TMC2: variants seen among roughly 807,000 people sequenced by gnomAD.
The protein encoded by TMC2 is transmembrane channel like 2.
In TMC2, 102 loss-of-function variants were observed where a neutral mutation model predicts 105.9. The observed-to-expected ratio is 0.96, with a 90% CI of 0.82 to 1.14. TMC2 has a LOEUF of 1.14. Ranked by LOEUF, TMC2 falls within the 50% of genes most tolerant of loss-of-function variation. The pLI is 0.00. For synonymous variants in TMC2, 402 were observed against 422.8 expected, an observed-to-expected ratio of 0.95 and a Z score of 0.60; for missense variants, 1,093 against 1,134.3, an observed-to-expected ratio of 0.96 and a Z score of 0.52.
chr20:2,636,721 T>C (rs2086648774), intron 18 of TMC2, among the ~76,000 whole-genome samples: 2 of 152,164 alleles, frequency 1.3e-5, no homozygotes, highest in Admixed American at 1.3e-4. Context: ...CCTCCCAGGT[T>C]CAAGTGATTC....
rs1005274027 is a variant in TMC2, at chr20:2,558,551, G to C, written c.178G>C (p.Ala60Pro). 1.3e-6 allele frequency: 2 copies of C among 1,552,816 alleles called. No homozygotes were observed. Among genetic ancestry groups the C allele is most frequent in the Non-Finnish European group, 1.7e-6 (2 of 1,147,968 alleles). ...AGCTCAGCGAAGCCAGAAGGAGCGC[G>C]CCGGGGGCAGCCCAAGCCCGGGGTC... ...RGAQRSQKER[A>P]GGSPSPGSPR... Residue 60 changes from alanine (A) to proline (P), a missense_variant, in exon 3 of 20, where the codon GCC becomes CCC. Transcript: ENST00000358864. This position sits in a 1 kb window ranked among gnomAD's most constrained non-coding sequence, Gnocchi z 4.6.
intron 2 of TMC2, among the ~76,000 whole-genome samples, chr20:2,553,781 G>A (rs1354003318): frequency 1.3e-5 from 2 of 152,174 alleles, no homozygotes; most frequent in Non-Finnish European, 2.9e-5. Context: ...TTCGCTTTGT[G>A]TGAGTTTTGG....
intron 11 of TMC2, among the ~76,000 whole-genome samples, chr20:2,608,080 C>T (rs1001954949): frequency 1.0e-4 from 15 of 149,738 alleles, no homozygotes; most frequent in African/African-American, 2.9e-4. Context: ...GCCAAGACTG[C>T]GCCATTGCAC....
chr20:2,573,371 TATAG>T (rs2086116715), intron 5 of TMC2, among the ~76,000 whole-genome samples: 1 of 152,058 alleles, frequency 6.6e-6, no homozygotes, highest in Admixed American at 6.5e-5. Flanking sequence ...ATTTTCTCCC[TATAG>T]ATCTTTTCCA....
At chr20:2,541,458 T>G (rs1280162792) in intron 2 of TMC2, among the ~76,000 whole-genome samples, 2 of 151,988 alleles carry the variant, frequency 1.3e-5, no homozygotes, top group Non-Finnish European at 2.9e-5. Context: ...CTGGCCAACA[T>G]GGCAAAACCC....
At position 2,592,272 on chromosome 20, in the gene TMC2, C is replaced by T. The variant is rs548042845; in HGVS notation, c.835-38C>T. On this transcript the variant is annotated intron_variant, in intron 7 of 19. Coordinates refer to ENST00000358864, the MANE Select transcript of TMC2 (RefSeq NM_080751.3). This position sits in a 1 kb window ranked among gnomAD's most constrained non-coding sequence, Gnocchi z 4.9. ...TGAATGTCTCTGTGTGTTTGTATTT[C>T]CTCCACTCATACTTGTGTCATTGTG... 189 of 1,357,476 alleles carry T rather than the reference C, an allele frequency of 1.4e-4. No individual in the cohort carries two copies. Among genetic ancestry groups the T allele is most frequent in the Admixed American group, 1.3e-3 (77 of 59,114 alleles). The allele number at this position is 1,357,476 out of a possible 1,614,324, so 84.1% of individuals were successfully genotyped here. A position where few individuals can be genotyped will look rare whatever the true frequency, so the allele number is the denominator to read the frequency against.
At chr20:2,560,108 G>A (rs2086014997) in intron 3 of TMC2, among the ~76,000 whole-genome samples, 2 of 152,070 alleles carry the variant, frequency 1.3e-5, no homozygotes, top group African/African-American at 2.4e-5. Context: ...GGGCCATCAG[G>A]GTTCCTCCAT....
chr20:2,619,651 A>G (rs1192638120), intron 16 of TMC2, among the ~76,000 whole-genome samples: 4 of 152,198 alleles, frequency 2.6e-5, no homozygotes, highest in African/African-American at 9.6e-5. Flanking sequence ...AACAGTGTTC[A>G]CACAGAAGGA....
intron 5 of TMC2, among the ~76,000 whole-genome samples, chr20:2,577,798 G>T (rs2086157796): frequency 6.6e-6 from 1 of 152,006 alleles, no homozygotes. Context: ...AGGAGGCTGA[G>T]GCAGGAAGAT....
chr20:2,591,433 G>A (rs776733874), intron 7 of TMC2, among the ~76,000 whole-genome samples: 7 of 152,130 alleles, frequency 4.6e-5, no homozygotes, highest in African/African-American at 9.7e-5. Flanking sequence ...GGCTGGGCAC[G>A]GTGGCTCATG....
intron 11 of TMC2, 73 bp downstream of exon 11, chr20:2,602,374 T>G: frequency 8.6e-7 from 1 of 1,164,498 alleles, no homozygotes; most frequent in African/African-American, 1.6e-5. Context: ...TGCCATTCAT[T>G]TCATTTATCG....
chr20:2,616,148 T>C lies in TMC2; in HGVS notation c.1884T>C (p.Ala628=), dbSNP rs2086479582. 1 of 1,612,570 alleles carries C rather than the reference T, an allele frequency of 6.2e-7. No individual in the cohort carries two copies. The change falls in exon 15 of 20, where the codon GCT becomes GCC. Residue 628 remains alanine (A), a synonymous_variant. Transcript: ENST00000358864. This position sits in a 1 kb window ranked among gnomAD's most constrained non-coding sequence, Gnocchi z 4.8. The part of the protein sequence containing the change: ...WDLEAGFPSY[A]EFDISGNVLG... ...CCCTCCCTCTCTAGCCTTCATATGC[T>C]GAGTTTGATATTAGTGGAAATGTGC... is the stretch of plus-strand genomic sequence containing the variant.
At chr20:2,619,459 A>G (rs142120397) in intron 16 of TMC2, among the ~76,000 whole-genome samples, 1 of 152,314 alleles carries the variant, frequency 6.6e-6, no homozygotes, top group Non-Finnish European at 1.5e-5. Context: ...ACTCAGGGTT[A>G]GTTAGAAGTT....
chr20:2,572,179 G>A lies in TMC2; in HGVS notation c.555G>A (p.Arg185=). Residue 185 remains arginine (R), a splice_region_variant and synonymous_variant, in exon 5 of 20, where the codon AGG becomes AGA. Transcript: ENST00000358864. ...TGCTTTTTTTTTTTTTTCTAAGCAG[G>A]GAGGCCCAGGAATTTGTGGAGAAGT... ...WPMAKKLTEL[R]EAQEFVEKYE... is the part of the protein sequence containing the mutation. 14 of 1,610,172 alleles carry A rather than the reference G, an allele frequency of 8.7e-6. No individual in the cohort carries two copies. The highest frequency in any genetic ancestry group is 1.1e-5 in the Non-Finnish European group (13 of 1,178,106).
chr20:2,609,849 T>C lies in TMC2; in HGVS notation c.1414-570T>C, dbSNP rs1010102836. 1.8e-4 allele frequency among the ~76,000 whole-genome samples: 27 copies of C among 152,152 alleles called. 1 individual carries two copies. Among genetic ancestry groups the C allele is most frequent in the Admixed American group, 1.3e-3 (20 of 15,288 alleles). ...CCACTGGGTGAGCAGTTGTTTTTTG[T>C]TTGTTTTTGTTTTTTTGAGATGGAG... is the stretch of plus-strand genomic sequence containing the variant. On this transcript the variant is annotated intron_variant, in intron 11 of 19. Coordinates refer to ENST00000358864, the MANE Select transcript of TMC2 (RefSeq NM_080751.3).
chr20:2,616,254 A>T lies in TMC2; in HGVS notation c.1940+50A>T, dbSNP rs771965868. The T allele has an allele frequency of 1.3e-6, 2 of 1,513,974 alleles. No individual in the cohort carries two copies. Among genetic ancestry groups the T allele is most frequent in the South Asian group, 2.2e-5 (2 of 89,008 alleles). 93.8% of individuals were successfully genotyped at this position (1,513,974 alleles called of 1,614,324 possible). On this transcript the variant is annotated intron_variant, in intron 15 of 19. Coordinates refer to ENST00000358864, the MANE Select transcript of TMC2 (RefSeq NM_080751.3). The surrounding 1 kb of genome is among the most constrained non-coding windows in gnomAD (Gnocchi z 4.8). ...ATCGCCTCATCCAAGGAGTCAAAAA[A>T]CTGGAATCCCAGACTTTGCAACTTA...
At chr20:2,578,020 C>A (rs1036539305) in intron 5 of TMC2, among the ~76,000 whole-genome samples, 2 of 152,078 alleles carry the variant, frequency 1.3e-5, no homozygotes, top group Non-Finnish European at 2.9e-5. Context: ...CTGAGGAGAC[C>A]TTTTAATAAT....
intron 4 of TMC2, among the ~76,000 whole-genome samples, chr20:2,566,758 A>G (rs1259382883): frequency 2.0e-5 from 3 of 152,214 alleles, no homozygotes; most frequent in Non-Finnish European, 2.9e-5. Flanking sequence ...TGACCAGGGC[A>G]TTGAGTTCCT....
chr20:2,634,774 A>C (rs753539623), intron 17 of TMC2, among the ~76,000 whole-genome samples: 1 of 152,320 alleles, frequency 6.6e-6, no homozygotes, highest in Non-Finnish European at 1.5e-5. Context: ...GCCCAGAGTA[A>C]TGCCTTACAT....
Sources: allele counts gnomAD v4.1 joint callset (sites outside exome capture counted in the v4.1 genomes callset), GRCh38; gene constraint gnomAD v4.1.1; non-coding constraint Gnocchi (gnomAD v3.1); transcripts MANE v1.5; gene names NCBI Gene and HGNC (gene_info 2026-07-23, HGNC 2026-07-21).